The following GPC6 variants were observed in gnomAD, a reference collection of about 807,000 sequenced individuals.
GPC6 encodes the protein glypican-6.
GPC6 carries 14 observed loss-of-function variants against 55.2 expected under a neutral mutation model. That is an observed-to-expected ratio of 0.25 (90% CI 0.17 to 0.40). The LOEUF (loss-of-function observed/expected upper bound fraction) is 0.40, where lower values mean the gene tolerates loss of function less well. Ranked by LOEUF, GPC6 falls within the 10% of genes least tolerant of loss-of-function variation. The probability of loss-of-function intolerance (pLI) is 1.00; values close to 1 mark genes in which losing one functional copy is unlikely to be tolerated. For missense variants in GPC6, 641 were observed against 708.5 expected (o/e 0.90, Z 1.08); for synonymous variants, 278 against 259.6 (o/e 1.07, Z -0.68).
chr13:93,869,861 A>C (rs1889075008), intron 3 of GPC6, among the ~76,000 whole-genome samples: 1 of 150,896 alleles, frequency 6.6e-6, no homozygotes, highest in Admixed American at 6.6e-5. Flanking sequence ...TAAGGAAATG[A>C]ACACATTTTT....
At chr13:93,406,673 C>G (rs925556390) in intron 1 of GPC6, among the ~76,000 whole-genome samples, 1 of 152,108 alleles carries the variant, frequency 6.6e-6, no homozygotes, top group Non-Finnish European at 1.5e-5. Flanking sequence ...CAATGCTAAA[C>G]TTGCATCAGT....
intron 6 of GPC6, among the ~76,000 whole-genome samples, chr13:94,373,157 C>A (rs1351375464): frequency 5.3e-5 from 8 of 152,104 alleles, no homozygotes; most frequent in African/African-American, 1.2e-4. Flanking sequence ...AGCAGAGCGC[C>A]TCTCCTCCTC....
At chr13:93,369,281 C>G (rs994173240) in intron 1 of GPC6, among the ~76,000 whole-genome samples, 2 of 151,980 alleles carry the variant, frequency 1.3e-5, no homozygotes, top group Admixed American at 6.6e-5. Context: ...CAACTTTGTA[C>G]TATCAGCAAA....
At chr13:93,939,309 A>G (rs1227037318) in intron 3 of GPC6, among the ~76,000 whole-genome samples, 4 of 150,980 alleles carry the variant, frequency 2.6e-5, no homozygotes, top group Non-Finnish European at 5.9e-5. Context: ...GGAAAAAAAT[A>G]TAAAATTATT....
At chr13:94,278,525 G>C (rs930226672) in intron 4 of GPC6, among the ~76,000 whole-genome samples, 4 of 152,092 alleles carry the variant, frequency 2.6e-5, no homozygotes, top group African/African-American at 9.7e-5. Flanking sequence ...GTTTTCAAAG[G>C]GAATGCTTCC....
At chr13:93,885,431 G>T (rs1184023022) in intron 3 of GPC6, among the ~76,000 whole-genome samples, 2 of 149,898 alleles carry the variant, frequency 1.3e-5, no homozygotes, top group Non-Finnish European at 3.0e-5. Context: ...GTAAGATTGG[G>T]AATTTTACAA....
At chr13:93,526,002 C>T (rs1881633090) in intron 1 of GPC6, among the ~76,000 whole-genome samples, 1 of 151,938 alleles carries the variant, frequency 6.6e-6, no homozygotes, top group African/African-American at 2.4e-5. Flanking sequence ...TTTGTTTAAC[C>T]TTGACAATTA....
intron 4 of GPC6, among the ~76,000 whole-genome samples, chr13:94,204,813 A>C (rs1460505700): frequency 6.6e-6 from 1 of 152,228 alleles, no homozygotes; most frequent in Non-Finnish European, 1.5e-5. Context: ...GAACTCAGTC[A>C]GCCTTGTTCA....
At chr13:94,290,765 T>G (rs955565343) in intron 5 of GPC6, among the ~76,000 whole-genome samples, 2 of 152,212 alleles carry the variant, frequency 1.3e-5, no homozygotes, top group Non-Finnish European at 2.9e-5. Flanking sequence ...AGATGGGCTA[T>G]TTATTACTAG....
intron 2 of GPC6, among the ~76,000 whole-genome samples, chr13:93,618,410 G>A (rs1041552765): frequency 9.2e-5 from 14 of 152,024 alleles, no homozygotes; most frequent in African/African-American, 3.1e-4. Context: ...TGAAATCAGT[G>A]AGCCTCACAT....
At chr13:93,372,203 G>C (rs1024637561) in intron 1 of GPC6, among the ~76,000 whole-genome samples, 1 of 142,488 alleles carries the variant, frequency 7.0e-6, no homozygotes, top group Non-Finnish European at 1.6e-5. Context: ...CTTGCAAACA[G>C]GTTAGATATA....
At chr13:93,345,851 G>C (rs1213971859) in intron 1 of GPC6, among the ~76,000 whole-genome samples, 3 of 152,162 alleles carry the variant, frequency 2.0e-5, no homozygotes, top group African/African-American at 7.2e-5. Context: ...AGAATAAAAA[G>C]CTTACTGTGC....
At chr13:94,142,692 C>T (rs956500281) in intron 4 of GPC6, among the ~76,000 whole-genome samples, 1 of 151,914 alleles carries the variant, frequency 6.6e-6, no homozygotes, top group Non-Finnish European at 1.5e-5. Context: ...ACTTAGCTTA[C>T]AGAATATTAT....
At chr13:93,472,115 T>A (rs1879142480) in intron 1 of GPC6, among the ~76,000 whole-genome samples, 2 of 152,364 alleles carry the variant, frequency 1.3e-5, no homozygotes, top group Middle Eastern at 3.4e-3. Context: ...CATAGTGTAA[T>A]GGTATCTTTT....
intron 2 of GPC6, among the ~76,000 whole-genome samples, chr13:93,767,757 T>A (rs550217991): frequency 3.9e-5 from 6 of 152,242 alleles, no homozygotes; most frequent in Non-Finnish European, 7.4e-5. Flanking sequence ...AGCTGTACCG[T>A]CTGGCCGGCT....
chr13:93,897,222 G>A (rs1437322604), intron 3 of GPC6, among the ~76,000 whole-genome samples: 2 of 151,964 alleles, frequency 1.3e-5, no homozygotes, highest in African/African-American at 4.8e-5. Flanking sequence ...CAAATAAACA[G>A]TTAAATAGAA....
chr13:93,294,557 C>T (rs1047111650), intron 1 of GPC6, among the ~76,000 whole-genome samples: 1 of 152,032 alleles, frequency 6.6e-6, no homozygotes, highest in African/African-American at 2.4e-5. Flanking sequence ...GTTTTGTTAC[C>T]ATACCGTATG....
chr13:93,963,998 C>A (rs577344372), intron 3 of GPC6, among the ~76,000 whole-genome samples: 3 of 152,230 alleles, frequency 2.0e-5, no homozygotes, highest in East Asian at 3.9e-4. Context: ...TTTCTAATGA[C>A]TCACTTTGCA....
At chr13:93,727,705 A>G (rs1001076047) in intron 2 of GPC6, among the ~76,000 whole-genome samples, 28 of 152,192 alleles carry the variant, frequency 1.8e-4, no homozygotes, top group Non-Finnish European at 3.5e-4. Context: ...TTATTTACAC[A>G]AACTGATGGC....
Sources: gnomAD v4.1 joint callset for allele counts (sites outside exome capture counted in the v4.1 genomes callset) on GRCh38, gnomAD v4.1.1 for gene constraint, MANE v1.5 for transcripts, NCBI Gene and HGNC (gene_info 2026-07-23, HGNC 2026-07-21) for gene names.